The following CNST variants were observed in gnomAD, a reference collection of about 807,000 sequenced individuals.
CNST encodes the protein consortin, connexin sorting protein.
In CNST, 39 loss-of-function variants were observed where a neutral mutation model predicts 72.4. The observed-to-expected ratio is 0.54, with a 90% CI of 0.42 to 0.70. CNST has a LOEUF of 0.70. Ranked by LOEUF, CNST falls within the 30% of genes least tolerant of loss-of-function variation. CNST has a pLI of 0.00. For missense variants in CNST, 871 were observed against 868.5 expected (o/e 1.00, Z -0.04); for synonymous variants, 332 against 320.1 (o/e 1.04, Z -0.40).
intron 9 of CNST, among the ~76,000 whole-genome samples, chr1:246,654,942 A>T (rs61852424): frequency 0.19 from 29,155 of 152,104 alleles, 5,156 homozygotes; most frequent in African/African-American, 0.47. Context: ...CTAGAGGGAG[A>T]GACACGTAAT....
intron 3 of CNST, among the ~76,000 whole-genome samples, chr1:246,626,295 C>T (rs1444604451): frequency 2.6e-5 from 4 of 151,828 alleles, no homozygotes; most frequent in Admixed American, 2.6e-4. Flanking sequence ...AAGTGATCTT[C>T]CCACCTTGGT....
intron 2 of CNST, among the ~76,000 whole-genome samples, chr1:246,605,547 A>G (rs1662674993): frequency 6.6e-6 from 1 of 152,098 alleles, no homozygotes; most frequent in South Asian, 2.1e-4. Context: ...CCACATGAGG[A>G]CGGGGCAGGG....
intron 9 of CNST, among the ~76,000 whole-genome samples, chr1:246,652,211 TG>T (rs1219453195): frequency 6.6e-6 from 1 of 152,214 alleles, no homozygotes; most frequent in Non-Finnish European, 1.5e-5. Context: ...CTGGAAGAGT[TG>T]CATTATCTTC....
intron 3 of CNST, among the ~76,000 whole-genome samples, chr1:246,625,845 A>G (rs149194297): frequency 0.013 from 2,012 of 152,146 alleles, 17 homozygotes; most frequent in Middle Eastern, 0.037. Flanking sequence ...CACTCCCCCA[A>G]AATTGCACTG....
At chr1:246,634,213 T>A (rs1053150198) in intron 5 of CNST, 4 of 561,662 alleles carry the variant, frequency 7.1e-6, no homozygotes, top group Non-Finnish European at 1.2e-5. Context: ...GCTCTTCATA[T>A]CAATGCCAAG....
chr1:246,620,240 CGAT>C (rs1482935659), intron 2 of CNST, among the ~76,000 whole-genome samples: 2 of 16,550 alleles, frequency 1.2e-4, no homozygotes, highest in African/African-American at 2.6e-4. Context: ...TGCATACACA[CGAT>C]GGGCTCTGGG....
chr1:246,658,789 G>A (rs1052283001), intron 9 of CNST, among the ~76,000 whole-genome samples: 1 of 152,170 alleles, frequency 6.6e-6, no homozygotes, highest in African/African-American at 2.4e-5. Context: ...GGCCCACAGT[G>A]CCTGCCTGTG....
chr1:246,655,334 G>C (rs148011706), intron 9 of CNST, among the ~76,000 whole-genome samples: 2 of 152,232 alleles, frequency 1.3e-5, no homozygotes, highest in Non-Finnish European at 2.9e-5. Flanking sequence ...AGTGTTCTAA[G>C]ATGCAGTGCT....
chr1:246,630,186 G>C (rs1558571707), intron 3 of CNST, among the ~76,000 whole-genome samples: 1 of 152,178 alleles, frequency 6.6e-6, no homozygotes, highest in Non-Finnish European at 1.5e-5. Flanking sequence ...CCACTGAAAT[G>C]AGCAAACACT....
At chr1:246,583,561 C>A (rs1166867072) in intron 1 of CNST, among the ~76,000 whole-genome samples, 1 of 152,216 alleles carries the variant, frequency 6.6e-6, no homozygotes, top group Non-Finnish European at 1.5e-5. Flanking sequence ...ATCTGTCTCT[C>A]TCTTGCCTCA....
At chr1:246,636,958 G>A (rs955941833) in intron 6 of CNST, among the ~76,000 whole-genome samples, 3 of 152,170 alleles carry the variant, frequency 2.0e-5, no homozygotes, top group African/African-American at 2.4e-5. Context: ...GCTACTGACC[G>A]TATAAGGATC....
In CNST at chr1:246,633,953, G is replaced by C. The variant is rs766917903; in HGVS notation, c.646G>C (p.Glu216Gln). 3 of 1,613,004 alleles carry C rather than the reference G, an allele frequency of 1.9e-6. No individual in the cohort carries two copies. Among genetic ancestry groups the C allele is most frequent in the Admixed American group, 3.3e-5 (2 of 60,018 alleles). The change falls in exon 5 of 11, where the codon GAA becomes CAA. Residue 216 changes from glutamate (E) to glutamine (Q), a missense_variant. Transcript: ENST00000366513. ...GAAAGCAATGAAATTCATTCAGCTA[G>C]AACGATTGTATCATGAGCAATTGCT... ...YEKAMKFIQL[E>Q]RLYHEQLLAN...
intron 1 of CNST, among the ~76,000 whole-genome samples, chr1:246,567,642 G>A (rs570212248): frequency 6.6e-6 from 1 of 152,324 alleles, no homozygotes; most frequent in East Asian, 1.9e-4. Context: ...AGCGGATAAA[G>A]AATTGACAAC....
At chr1:246,654,834 T>TA (rs560956324) in intron 9 of CNST, among the ~76,000 whole-genome samples, 540 of 146,314 alleles carry the variant, frequency 3.7e-3, no homozygotes, top group African/African-American at 0.013. Flanking sequence ...TTTTTTTTTT[T>TA]ATTCTTTGGC....
At chr1:246,569,060 A>T in intron 1 of CNST, among the ~76,000 whole-genome samples, 1 of 152,166 alleles carries the variant, frequency 6.6e-6, no homozygotes, top group East Asian at 1.9e-4. Flanking sequence ...TGACAACTGT[A>T]ATTGGGAAAT....
chr1:246,611,875 A>C (rs1054372287), intron 2 of CNST, among the ~76,000 whole-genome samples: 3 of 152,258 alleles, frequency 2.0e-5, no homozygotes, highest in Admixed American at 1.3e-4. Context: ...TAGTATATAC[A>C]TATAATGAAA....
intron 1 of CNST, among the ~76,000 whole-genome samples, chr1:246,580,432 T>C (rs190980374): frequency 2.3e-3 from 354 of 152,264 alleles, no homozygotes; most frequent in African/African-American, 7.7e-3. Flanking sequence ...AATATACTTT[T>C]TTTTTAATAT....
intron 2 of CNST, among the ~76,000 whole-genome samples, chr1:246,608,505 T>C (rs889103590): frequency 6.6e-6 from 1 of 152,362 alleles, no homozygotes; most frequent in South Asian, 2.1e-4. Flanking sequence ...CTTATTGACA[T>C]GTTCTACATA....
intron 2 of CNST, among the ~76,000 whole-genome samples, chr1:246,592,986 T>C (rs908489255): frequency 1.3e-5 from 2 of 152,198 alleles, no homozygotes; most frequent in Non-Finnish European, 2.9e-5. Flanking sequence ...GATTCCTTAG[T>C]GTAGTACCAC....
Sources: gnomAD v4.1 joint callset for allele counts (sites outside exome capture counted in the v4.1 genomes callset) on GRCh38, gnomAD v4.1.1 for gene constraint, MANE v1.5 for transcripts, NCBI Gene and HGNC (gene_info 2026-07-23, HGNC 2026-07-21) for gene names.